RERE: variants seen among roughly 807,000 people sequenced by gnomAD.
The protein encoded by RERE is arginine-glutamic acid dipeptide repeats, also known as arginine-glutamic acid dipeptide repeats protein.
Under a neutral mutation model 146.1 loss-of-function variants are expected in RERE, and 40 were observed. The ratio of observed to expected loss-of-function variants is 0.27; its 90% CI spans 0.21 to 0.36. The LOEUF (loss-of-function observed/expected upper bound fraction) is 0.36. Ranked by LOEUF, RERE falls within the 10% of genes least tolerant of loss-of-function variation. The probability of loss-of-function intolerance (pLI) is 1.00; values close to 1 mark genes in which losing one functional copy is unlikely to be tolerated. For synonymous variants in RERE, 1,003 were observed against 866.0 expected (o/e 1.16, Z -2.78); for missense variants, 1,933 against 2,138.7 (o/e 0.90, Z 1.90).
intron 1 of RERE, among the ~76,000 whole-genome samples, chr1:8,671,070 G>C (rs558512150): frequency 1.1e-4 from 17 of 152,330 alleles, no homozygotes; most frequent in African/African-American, 3.8e-4. Context: ...TGGGAATTCT[G>C]TTGGAATGTA....
chr1:8,764,333 A>C (rs1364134398), intron 1 of RERE, among the ~76,000 whole-genome samples: 2 of 152,172 alleles, frequency 1.3e-5, no homozygotes, highest in African/African-American at 4.8e-5. Context: ...CCATCGGGAA[A>C]ATGAGAGGAA....
chr1:8,726,824 G>T lies in RERE; in HGVS notation c.-144-70383C>A, dbSNP rs1487012772. On this transcript the variant is annotated intron_variant, in intron 1 of 22. Coordinates refer to ENST00000400908, the MANE Select transcript of RERE (RefSeq NM_001042681.2). ...ACTGACGTTTATTTATTTATTTATTGAGAAGAAGTCTCCCTCTATTGCCTA... is the reference window on the plus strand; with the variant it reads ...ACTGACGTTTATTTATTTATTTATTTAGAAGAAGTCTCCCTCTATTGCCTA... 3.4e-4 allele frequency among the ~76,000 whole-genome samples: 48 copies of T among 139,330 alleles called. No homozygotes were observed. In the South Asian group the frequency reaches 4.1e-3, roughly 12 times the overall value. The allele number at this position is 139,330 out of a possible 152,430, so 91.4% of individuals were successfully genotyped here. A position where few individuals can be genotyped will look rare whatever the true frequency, so the allele number is the denominator to read the frequency against.
intron 1 of RERE, chr1:8,786,473 T>C (rs1641261019): frequency 1.2e-6 from 1 of 867,162 alleles, no homozygotes; most frequent in East Asian, 2.4e-5. Context: ...TAACCACGCT[T>C]GTAGATTAGT....
At chr1:8,428,348 A>G (rs747324749) in intron 11 of RERE, 3 of 152,184 alleles carry the variant, frequency 2.0e-5, no homozygotes, top group Non-Finnish European at 4.4e-5. Context: ...CTCCTTGGAA[A>G]CATAAAACAA....
At chr1:8,774,555 G>A (rs1641022331) in intron 1 of RERE, among the ~76,000 whole-genome samples, 1 of 151,640 alleles carries the variant, frequency 6.6e-6, no homozygotes, top group Non-Finnish European at 1.5e-5. Flanking sequence ...GTTTCTCCAT[G>A]TTGTGTCAGG....
intron 1 of RERE, among the ~76,000 whole-genome samples, chr1:8,668,924 C>CTGTGTG (rs58718828): frequency 0.015 from 1,271 of 83,500 alleles, 131 homozygotes; most frequent in African/African-American, 0.038. Flanking sequence ...GCACTAAACT[C>CTGTGTG]TGTGTGTGTG....
At chr1:8,714,997 C>G (rs1035533809) in intron 1 of RERE, among the ~76,000 whole-genome samples, 1 of 151,822 alleles carries the variant, frequency 6.6e-6, no homozygotes, top group Non-Finnish European at 1.5e-5. Context: ...CCTCAGCCTC[C>G]CGAATAGCTG....
At chr1:8,597,062 C>T (rs928887380) in intron 4 of RERE, among the ~76,000 whole-genome samples, 2 of 151,238 alleles carry the variant, frequency 1.3e-5, no homozygotes, top group African/African-American at 4.9e-5. Context: ...ACAGCAAATG[C>T]TTAATCATTT....
chr1:8,355,239 G>T, intron 22 of RERE, 119 bp from the exon 23 acceptor site: 1 of 1,203,786 alleles, frequency 8.3e-7, no homozygotes, highest in Non-Finnish European at 1.2e-6. Context: ...GCAGCCTCCT[G>T]TGTAGCTGAC....
At chr1:8,447,913 G>T (rs1644342407) in intron 11 of RERE, among the ~76,000 whole-genome samples, 1 of 152,182 alleles carries the variant, frequency 6.6e-6, no homozygotes, top group Non-Finnish European at 1.5e-5. Context: ...CCGATATTGG[G>T]TGTGATGATC....
At position 8,789,300 on chromosome 1, in the gene RERE, A is replaced by AT. The variant is rs58405652; in HGVS notation, c.-145+27859_-145+27860insA. 4.2e-3 allele frequency among the ~76,000 whole-genome samples: 419 copies of AT among 99,500 alleles called. 2 individuals are homozygous for AT. The highest frequency in any genetic ancestry group is 0.016 in the African/African-American group (333 of 21,444). The allele number at this position is 99,500 out of a possible 152,430, so 65.3% of individuals were successfully genotyped here. On this transcript the variant is annotated intron_variant, in intron 1 of 22. Coordinates refer to ENST00000400908, the MANE Select transcript of RERE (RefSeq NM_001042681.2). ...TCTCTACCAAAAAAAAAAAAAAAAAAAATATATATATATATATATATATAT... is the reference window on the plus strand; with the variant it reads ...TCTCTACCAAAAAAAAAAAAAAAAAATAATATATATATATATATATATATAT...
intron 1 of RERE, among the ~76,000 whole-genome samples, chr1:8,675,858 G>C (rs111230416): frequency 0.012 from 1,752 of 152,034 alleles, 26 homozygotes; most frequent in Non-Finnish European, 0.02. Context: ...TCAGATTTTG[G>C]AATACTTGTA....
At chr1:8,698,248 T>C (rs1270978206) in intron 1 of RERE, among the ~76,000 whole-genome samples, 1 of 152,200 alleles carries the variant, frequency 6.6e-6, no homozygotes, top group Non-Finnish European at 1.5e-5. Flanking sequence ...AGGTTGTTTG[T>C]GCAAAACATA....
intron 3 of RERE, among the ~76,000 whole-genome samples, chr1:8,622,023 G>A (rs1000920900): frequency 2.0e-5 from 3 of 152,182 alleles, no homozygotes; most frequent in Non-Finnish European, 4.4e-5. Flanking sequence ...AGCAGTGTGT[G>A]ATTTAGAAAA....
At chr1:8,465,324 T>G (rs1644581230) in intron 11 of RERE, 1 of 173,420 alleles carries the variant, frequency 5.8e-6, no homozygotes, top group Non-Finnish European at 1.3e-5. Flanking sequence ...ATTTATTTCA[T>G]CAACTCTCTG....
chr1:8,379,491 AG>A (rs1557599331), intron 12 of RERE, among the ~76,000 whole-genome samples: 3 of 152,220 alleles, frequency 2.0e-5, no homozygotes, highest in Non-Finnish European at 2.9e-5. Flanking sequence ...GGGAACCACC[AG>A]GGGTTCGGGT....
chr1:8,561,706 C>A (rs769214835), intron 4 of RERE, among the ~76,000 whole-genome samples: 65 of 152,178 alleles, frequency 4.3e-4, no homozygotes, highest in Non-Finnish European at 8.1e-4. Flanking sequence ...ATTAAAATGT[C>A]ACCTTCAGTG....
chr1:8,616,820 G>A (rs1233988358), intron 3 of RERE, among the ~76,000 whole-genome samples: 1 of 152,152 alleles, frequency 6.6e-6, no homozygotes, highest in Non-Finnish European at 1.5e-5. Context: ...CAAATTGCTG[G>A]CAAGCTCAGA....
intron 1 of RERE, among the ~76,000 whole-genome samples, chr1:8,767,540 G>A (rs1366844790): frequency 6.7e-6 from 1 of 149,458 alleles, no homozygotes; most frequent in African/African-American, 2.5e-5. Flanking sequence ...AGTAGGTGGA[G>A]GCTGCAGTAA....
Sources: allele counts gnomAD v4.1 joint callset (sites outside exome capture counted in the v4.1 genomes callset), GRCh38; gene constraint gnomAD v4.1.1; transcripts MANE v1.5; gene names NCBI Gene and HGNC (gene_info 2026-07-23, HGNC 2026-07-21).